Variants in GLIS3 observed in about 807,000 individuals in gnomAD.
GLIS3 encodes zinc finger protein GLIS3.
Under a neutral mutation model 78.6 loss-of-function variants are expected in GLIS3, and 53 were observed. That is an observed-to-expected ratio of 0.67 (90% CI 0.54 to 0.85). GLIS3 has a LOEUF of 0.85. GLIS3 is among the 40% of genes least tolerant of loss of function. The pLI, the probability that GLIS3 is intolerant of heterozygous loss-of-function variation, is 0.00. For missense variants in GLIS3, 1,703 were observed against 1,231.1 expected, an observed-to-expected ratio of 1.38 and a Z score of -5.74; for synonymous variants, 684 against 509.9, an observed-to-expected ratio of 1.34 and a Z score of -4.60.
the GLIS3 span, among the ~76,000 whole-genome samples, chr9:4,405,302 C>T: frequency 5.5e-3 from 831 of 150,134 alleles, 4 homozygotes; most frequent in Non-Finnish European, 8.5e-3. Flanking sequence ...TGTGGGGAGT[C>T]GAGATCGTGC....
intron 4 of GLIS3, among the ~76,000 whole-genome samples, chr9:4,108,753 G>A (rs1378124359): frequency 6.6e-6 from 1 of 152,156 alleles, no homozygotes; most frequent in Admixed American, 6.6e-5. Context: ...ACTGTCTGGT[G>A]AGAGAAGCCT....
chr9:4,155,244 G>A (rs1026010986), intron 2 of GLIS3, among the ~76,000 whole-genome samples: 2 of 152,124 alleles, frequency 1.3e-5, no homozygotes, highest in African/African-American at 2.4e-5. Flanking sequence ...AAAAGGTCAC[G>A]TTACTGGATC....
chr9:3,838,052 G>A (rs1398767973), intron 9 of GLIS3, among the ~76,000 whole-genome samples: 1 of 152,086 alleles, frequency 6.6e-6, no homozygotes, highest in Non-Finnish European at 1.5e-5. Flanking sequence ...ACATTTTTCT[G>A]TGAACCCAAA....
chr9:4,399,824 G>C, the GLIS3 span, among the ~76,000 whole-genome samples: 4 of 152,176 alleles, frequency 2.6e-5, no homozygotes, highest in Non-Finnish European at 4.4e-5. Context: ...ATGAGGTTAA[G>C]TTTACTTTGA....
the GLIS3 span, among the ~76,000 whole-genome samples, chr9:4,433,802 T>G: frequency 6.6e-6 from 1 of 152,168 alleles, no homozygotes; most frequent in African/African-American, 2.4e-5. Context: ...TGTTCTGATA[T>G]TCAAGAGTGG....
At chr9:4,198,477 C>G (rs1165758298) in intron 2 of GLIS3, among the ~76,000 whole-genome samples, 1 of 152,060 alleles carries the variant, frequency 6.6e-6, no homozygotes, top group Non-Finnish European at 1.5e-5. Context: ...AAAAACCAGT[C>G]TTTCAAACTA....
At chr9:4,147,125 T>G (rs952019493) in intron 2 of GLIS3, among the ~76,000 whole-genome samples, 3 of 152,204 alleles carry the variant, frequency 2.0e-5, no homozygotes, top group Admixed American at 1.3e-4. Context: ...TTGAACATTA[T>G]GCAGGCAATA....
upstream of GLIS3, among the ~76,000 whole-genome samples, chr9:4,349,412 T>C (rs1817934213): frequency 6.6e-6 from 1 of 152,204 alleles, no homozygotes; most frequent in African/African-American, 2.4e-5. Flanking sequence ...ATTATTTTAT[T>C]TGTATCCTGG....
intron 2 of GLIS3, among the ~76,000 whole-genome samples, chr9:4,135,809 G>A (rs949780152): frequency 5.9e-5 from 9 of 152,132 alleles, no homozygotes; most frequent in Admixed American, 6.5e-5. Context: ...ACAGATCGAT[G>A]AAGGTAAGCA....
At chr9:4,076,272 A>G (rs1012260182) in intron 4 of GLIS3, among the ~76,000 whole-genome samples, 9 of 152,182 alleles carry the variant, frequency 5.9e-5, no homozygotes, top group African/African-American at 2.2e-4. Context: ...ATGATTATAA[A>G]TTTACCACGG....
intron 2 of GLIS3, among the ~76,000 whole-genome samples, chr9:4,281,539 T>C (rs924222212): frequency 6.6e-6 from 1 of 152,222 alleles, no homozygotes; most frequent in African/African-American, 2.4e-5. Flanking sequence ...ACAATACGTG[T>C]CCTTTTGTGA....
intron 6 of GLIS3, chr9:3,901,080 A>G (rs1823259417): frequency 6.5e-6 from 1 of 152,718 alleles, no homozygotes; most frequent in African/African-American, 2.4e-5. Context: ...CCTCGTGACT[A>G]CGCACCTTGT....
chr9:4,322,895 T>C (rs979906469), intron 2 of GLIS3, among the ~76,000 whole-genome samples: 7 of 152,254 alleles, frequency 4.6e-5, no homozygotes, highest in African/African-American at 1.7e-4. Context: ...TCTTTTGCTG[T>C]GCAGAAGCTC....
chr9:4,422,184 G>C, the GLIS3 span, among the ~76,000 whole-genome samples: 1 of 152,146 alleles, frequency 6.6e-6, no homozygotes, highest in Non-Finnish European at 1.5e-5. Context: ...TCATAAATTT[G>C]TATTTCAACA....
chr9:4,160,434 G>T (rs1037643067), intron 2 of GLIS3, among the ~76,000 whole-genome samples: 1 of 152,228 alleles, frequency 6.6e-6, no homozygotes, highest in African/African-American at 2.4e-5. Flanking sequence ...GCCTTATTTT[G>T]TCAGAAAGTA....
chr9:3,903,720 C>G lies in GLIS3; in HGVS notation c.1984-4885G>C, dbSNP rs557244313. 5.9e-5 allele frequency among the ~76,000 whole-genome samples: 9 copies of G among 151,950 alleles called. 1 individual carries two copies. Among genetic ancestry groups the G allele is most frequent in the Admixed American group, 2.0e-4 (3 of 15,254 alleles). ...GAGAAGTCAGATAATAAACAGTAAA[C>G]TAACTAAATAAATTGTAGAGAAGGT... On this transcript the variant is annotated intron_variant, in intron 6 of 10. Transcript: ENST00000381971.
chr9:3,965,463 G>T (rs988032019), intron 4 of GLIS3, among the ~76,000 whole-genome samples: 1 of 151,936 alleles, frequency 6.6e-6, no homozygotes, highest in Non-Finnish European at 1.5e-5. Context: ...CAAAGCGCTG[G>T]GATTACAGGC....
At chr9:3,943,653 T>C (rs1413725495) in intron 4 of GLIS3, among the ~76,000 whole-genome samples, 2 of 152,232 alleles carry the variant, frequency 1.3e-5, no homozygotes, top group African/African-American at 2.4e-5. Flanking sequence ...AGTATCTAAA[T>C]AGATTTGCAC....
chr9:4,103,325 A>G (rs184711346), intron 4 of GLIS3, among the ~76,000 whole-genome samples: 4 of 152,122 alleles, frequency 2.6e-5, no homozygotes, highest in African/African-American at 4.8e-5. Context: ...AGTACAACCC[A>G]TAAGACCTTC....
Sources: allele counts gnomAD v4.1 joint callset (sites outside exome capture counted in the v4.1 genomes callset), GRCh38; gene constraint gnomAD v4.1.1; transcripts MANE v1.5; gene names NCBI Gene and HGNC (gene_info 2026-07-23, HGNC 2026-07-21).